The following CCDC181 variants were observed in gnomAD, a reference collection of about 807,000 sequenced individuals.
CCDC181 encodes coiled-coil domain-containing protein 181.
A neutral mutation model predicts 58.7 loss-of-function variants in CCDC181; 35 were observed. The ratio of observed to expected loss-of-function variants is 0.60; its 90% confidence interval spans 0.46 to 0.79. The LOEUF (loss-of-function observed/expected upper bound fraction) is 0.79. Ranked by LOEUF, CCDC181 falls within the 30% of genes least tolerant of loss-of-function variation. CCDC181 has a pLI of 0.00. For missense variants in CCDC181, 517 were observed against 583.9 expected (o/e 0.89, Z 1.18); for synonymous variants, 183 against 197.5 (o/e 0.93, Z 0.62).
rs1277771982 is a variant in CCDC181, at chr1:169,424,853, C to T, written c.75G>A (p.Trp25Ter). ...YEDDFEKDLE[W>*]LINENEKSDA... ...CACTTTTTTCATTTTCATTAATTAA[C>T]CACTCCAGGTCCTTTTCAAAGTCAT... The change falls in exon 2 of 6, where the codon TGG (tryptophan) becomes TGA (stop). Residue 25 changes from tryptophan (W) to a stop codon, truncating the protein, a stop_gained. Coordinates refer to ENST00000367806, the MANE Select transcript of CCDC181 (RefSeq NM_001300969.2). LOFTEE classifies it high-confidence loss of function. The T allele has an allele frequency of 2.1e-5, 34 of 1,605,674 alleles. No individual in the cohort carries two copies. Among genetic ancestry groups the T allele is most frequent in the Non-Finnish European group, 2.9e-5 (34 of 1,174,256 alleles).
At chr1:169,429,220 G>C (rs1328984117), upstream of CCDC181, among the ~76,000 whole-genome samples, 1 of 152,132 alleles carries the variant, frequency 6.6e-6, no homozygotes, top group Non-Finnish European at 1.5e-5. Context: ...TGGGCATTTG[G>C]TTTGGTTCTT....
At chr1:169,432,899 AAGAC>A (rs1656958075) in intron 2 of CCDC181, among the ~76,000 whole-genome samples, 1 of 152,160 alleles carries the variant, frequency 6.6e-6, no homozygotes, top group African/African-American at 2.4e-5. Flanking sequence ...TCAATTCTGA[AAGAC>A]AGAAAGCTTT....
intron 4 of CCDC181, among the ~76,000 whole-genome samples, chr1:169,400,595 T>C (rs1655281630): frequency 6.6e-6 from 1 of 151,162 alleles, no homozygotes; most frequent in Admixed American, 6.6e-5. Context: ...AAGATGAATA[T>C]AAAAAAGGTC....
chr1:169,450,043 T>C (rs1657492514), intron 2 of CCDC181, among the ~76,000 whole-genome samples: 1 of 152,222 alleles, frequency 6.6e-6, no homozygotes, highest in Non-Finnish European at 1.5e-5. Flanking sequence ...GGGTGAAGTA[T>C]GAAGAGAATC....
intron 1 of CCDC181, chr1:169,459,935 A>C (rs1035981911): frequency 2.8e-5 from 4 of 145,398 alleles, no homozygotes; most frequent in South Asian, 2.2e-4. Flanking sequence ...AAAAAGGAGG[A>C]GGCGGAGGGG....
At chr1:169,423,063 T>TTA (rs146513568) in intron 2 of CCDC181, among the ~76,000 whole-genome samples, 90 of 34,458 alleles carry the variant, frequency 2.6e-3, no homozygotes, top group African/African-American at 5.3e-3. Context: ...TATAAATATT[T>TTA]TATATATATA....
intron 2 of CCDC181, among the ~76,000 whole-genome samples, chr1:169,450,924 C>A (rs186792654): frequency 2.0e-5 from 3 of 152,232 alleles, no homozygotes; most frequent in Non-Finnish European, 4.4e-5. Context: ...AGATTGAACA[C>A]CTCTTATCCA....
At chr1:169,412,539 G>A (rs552817811) in intron 4 of CCDC181, among the ~76,000 whole-genome samples, 1 of 152,114 alleles carries the variant, frequency 6.6e-6, no homozygotes, top group Admixed American at 6.5e-5. Flanking sequence ...AAGTTCATAT[G>A]GAACAAAAAA....
At chr1:169,399,999 G>A (rs1046755037) in intron 4 of CCDC181, among the ~76,000 whole-genome samples, 3 of 152,208 alleles carry the variant, frequency 2.0e-5, no homozygotes, top group African/African-American at 4.8e-5. Context: ...TGCTCCAAGA[G>A]TCTGTGTGGG....
chr1:169,454,125 G>T (rs1395466601), intron 2 of CCDC181, among the ~76,000 whole-genome samples: 1 of 151,860 alleles, frequency 6.6e-6, no homozygotes, highest in Admixed American at 6.6e-5. Flanking sequence ...GGCTATTTTT[G>T]CGGTAGTCAG....
In CCDC181 at chr1:169,427,382, C is replaced by G. The variant is rs2235195; in HGVS notation, c.-118G>C. On this transcript the variant is annotated 5_prime_UTR_variant, in exon 1 of 6. Transcript: ENST00000367806. ...CTCTTCACATTGAGGCAAAGGAGAC[C>G]CCGGCACCTGCCTCCGCGGCAGCCA... The G allele has an allele frequency of 0.12, 18,413 of 152,358 alleles. 1,173 individuals carry two copies. The highest frequency in any genetic ancestry group is 0.14 in the Admixed American group (2,127 of 15,300). The allele number at this position is 152,358 out of a possible 1,614,324, so 9.4% of individuals were successfully genotyped here. A position where few individuals can be genotyped will look rare whatever the true frequency, so the allele number is the denominator to read the frequency against.
chr1:169,437,648 G>A (rs1382154822), intron 2 of CCDC181, among the ~76,000 whole-genome samples: 1 of 152,150 alleles, frequency 6.6e-6, no homozygotes, highest in Non-Finnish European at 1.5e-5. Context: ...TGCTGATCAG[G>A]GGCATAGTGG....
At chr1:169,411,791 C>G (rs570977680) in intron 4 of CCDC181, among the ~76,000 whole-genome samples, 1 of 152,298 alleles carries the variant, frequency 6.6e-6, no homozygotes, top group East Asian at 1.9e-4. Context: ...ACAATTATCT[C>G]AATAGTTGCA....
At position 169,397,206 on chromosome 1, in the gene CCDC181, G is replaced by C. The variant is rs936682940; in HGVS notation, c.1370+31C>G. The stretch of plus-strand genomic sequence containing the variant: ...CTTTTAAAATGAACATGAGGAAGGA[G>C]GAGGGGGGAAATGCCCTGCCTTTAA... On this transcript the variant is annotated intron_variant, in intron 5 of 5. Coordinates refer to ENST00000367806, the MANE Select transcript of CCDC181 (RefSeq NM_001300969.2). The C allele has an allele frequency of 3.3e-6, 5 of 1,499,726 alleles. No individual in the cohort carries two copies. The South Asian group carries it at 7.0e-5, about 21-fold the overall frequency. 92.9% of individuals were successfully genotyped at this position (1,499,726 alleles called of 1,614,324 possible).
At chr1:169,423,433 C>CTT (rs1656575272) in intron 2 of CCDC181, among the ~76,000 whole-genome samples, 1 of 17,368 alleles carries the variant, frequency 5.8e-5, no homozygotes, top group Non-Finnish European at 1.3e-4. Flanking sequence ...TTTAGCTTTT[C>CTT]TTTTCTTTTC....
intron 2 of CCDC181, among the ~76,000 whole-genome samples, chr1:169,447,081 A>G (rs10919171): frequency 0.015 from 2,242 of 152,148 alleles, 60 homozygotes; most frequent in African/African-American, 0.051. Context: ...CTGTGAACAT[A>G]ACTTGTGTAA....
At chr1:169,440,866 A>G (rs1018656854) in intron 2 of CCDC181, among the ~76,000 whole-genome samples, 1 of 146,496 alleles carries the variant, frequency 6.8e-6, no homozygotes, top group African/African-American at 2.5e-5. Flanking sequence ...CCCAGGAGGC[A>G]GGAGGCTACA....
chr1:169,437,689 G>A (rs928603186), intron 2 of CCDC181, among the ~76,000 whole-genome samples: 2 of 152,152 alleles, frequency 1.3e-5, no homozygotes, highest in Non-Finnish European at 1.5e-5. Flanking sequence ...AGAGAGGAGT[G>A]GAACCACTTT....
At chr1:169,419,221 G>A (rs1052101887) in intron 3 of CCDC181, 62 bp from the exon 4 acceptor site, 91 of 1,434,346 alleles carry the variant, frequency 6.3e-5, no homozygotes, top group Non-Finnish European at 8.1e-5. Context: ...AGTTATCAGA[G>A]TAGAGAGATA....
Sources: allele counts gnomAD v4.1 joint callset (sites outside exome capture counted in the v4.1 genomes callset), GRCh38; gene constraint gnomAD v4.1.1; transcripts MANE v1.5; gene names NCBI Gene and HGNC (gene_info 2026-07-23, HGNC 2026-07-21).